DST: variants seen among roughly 807,000 people sequenced by gnomAD.
DST encodes the protein bullous pemphigoid antigen.
DST carries 253 observed loss-of-function variants against 875.2 expected under a neutral mutation model. The ratio of observed to expected loss-of-function variants is 0.29; its 90% CI spans 0.26 to 0.32. The LOEUF is 0.32. Ranked by LOEUF, DST falls within the 10% of genes least tolerant of loss-of-function variation. The probability of loss-of-function intolerance (pLI) is 1.00; values close to 1 mark genes in which losing one functional copy is unlikely to be tolerated. For synonymous variants in DST, 3,124 were observed against 3,197.1 expected, an observed-to-expected ratio of 0.98 and a Z score of 0.77; for missense variants, 8,287 against 9,111.6, an observed-to-expected ratio of 0.91 and a Z score of 3.68.
intron 49 of DST, among the ~76,000 whole-genome samples, chr6:56,583,447 GT>G (rs1423946379): frequency 6.6e-6 from 1 of 152,004 alleles, no homozygotes; most frequent in Non-Finnish European, 1.5e-5. Context: ...GGGGTTGTTT[GT>G]TTTTTTCCCG....
chr6:56,925,601 T>G (rs959580426), intron 2 of DST, among the ~76,000 whole-genome samples: 1 of 151,990 alleles, frequency 6.6e-6, no homozygotes, highest in Non-Finnish European at 1.5e-5. Context: ...CAAAGAATTC[T>G]AAATTCCTCT....
At chr6:56,630,420 A>G (rs757161234) in intron 30 of DST, 37 bp from the exon 31 acceptor site, 1 of 1,590,630 alleles carries the variant, frequency 6.3e-7, no homozygotes, top group African/African-American at 1.3e-5. Context: ...ACCTATGGTT[A>G]AATGTTTATT....
At chr6:56,851,200 C>T in intron 4 of DST, 197 bp downstream of exon 4, 1 of 589,226 alleles carries the variant, frequency 1.7e-6, no homozygotes. Flanking sequence ...GGCCAAACAG[C>T]TTAGTCACCA....
chr6:56,771,061 T>C (rs922043210), intron 4 of DST, among the ~76,000 whole-genome samples: 6 of 151,030 alleles, frequency 4.0e-5, no homozygotes, highest in African/African-American at 1.5e-4. Flanking sequence ...AAGGTAGGAA[T>C]TTGAGAAAAG....
chr6:56,493,049 T>C lies in DST; in HGVS notation c.20435A>G (p.His6812Arg), dbSNP rs1381739032. 6.2e-7 allele frequency: 1 copy of C among 1,612,468 alleles called. No homozygotes were observed. Among genetic ancestry groups the C allele is most frequent in the African/African-American group, 1.3e-5 (1 of 74,896 alleles). ...GTTGATGAAGTCTTGGAGAGAATTG[T>C]GGAACTCCATTGCCAAGTTGAGAGC... ...EEALNLAMEF[H>R]NSLQDFINWL... Residue 6812 changes from histidine (H) to arginine (R), a missense_variant, in exon 84 of 104, where the codon CAC (histidine) becomes CGC (arginine). By Grantham distance (29) the His-to-Arg change is conservative. This residue lies in a region of DST where 1,292 missense variants were observed against 1,552.7 expected (regional missense o/e 0.83). Coordinates refer to ENST00000680361, the MANE Select transcript of DST (RefSeq NM_001374736.1).
intron 99 of DST, 121 bp downstream of exon 99, chr6:56,465,957 C>A: frequency 1.6e-6 from 1 of 635,312 alleles, no homozygotes; most frequent in Non-Finnish European, 2.7e-6. Flanking sequence ...GGCTGACAGA[C>A]CAATGTGAAA....
intron 4 of DST, among the ~76,000 whole-genome samples, chr6:56,833,281 C>CATT (rs2099789591): frequency 6.6e-6 from 1 of 152,162 alleles, no homozygotes; most frequent in Non-Finnish European, 1.5e-5. Context: ...TACGTGAAAG[C>CATT]ACTGTCTTAA....
intron 9 of DST, among the ~76,000 whole-genome samples, chr6:56,691,270 A>G (rs1411799285): frequency 2.0e-5 from 3 of 152,198 alleles, no homozygotes; most frequent in African/African-American, 7.2e-5. Flanking sequence ...ACAGAGCTAC[A>G]TAGATAATGA....
intron 9 of DST, among the ~76,000 whole-genome samples, chr6:56,674,113 T>C (rs896391111): frequency 1.3e-5 from 2 of 152,206 alleles, no homozygotes; most frequent in African/African-American, 2.4e-5. Flanking sequence ...CAATGACAGG[T>C]TAATGGTTTC....
chr6:56,594,103 G>T lies in DST; in HGVS notation c.12286C>A (p.Leu4096Ile). The change falls in exon 48 of 104, where the codon CTC (leucine) becomes ATC (isoleucine). Residue 4096 changes from leucine (L) to isoleucine (I), a missense_variant. Coordinates refer to ENST00000680361, the MANE Select transcript of DST (RefSeq NM_001374736.1). ...AGTTTCTCTTTTTCTTCAGGAGAGA[G>T]ATACTGACCCTGTTTCTCAAGCAAC... is the stretch of plus-strand genomic sequence containing the variant. Reference protein sequence around the residue: ...QVLLEKQGQYLSPEEKEKLQK... With the variant: ...QVLLEKQGQYISPEEKEKLQK... 6.2e-7 allele frequency: 1 copy of T among 1,607,984 alleles called. No individual in the cohort carries two copies. Among genetic ancestry groups the T allele is most frequent in the Non-Finnish European group, 8.5e-7 (1 of 1,178,216 alleles).
chr6:56,844,421 CTTA>C (rs1363748321), intron 4 of DST, among the ~76,000 whole-genome samples: 1 of 152,216 alleles, frequency 6.6e-6, no homozygotes, highest in African/African-American at 2.4e-5. Flanking sequence ...CTGCTCTCTC[CTTA>C]TTATTCATTC....
chr6:56,532,600 A>G, intron 63 of DST, 90 bp from the exon 64 acceptor site: 1 of 1,264,692 alleles, frequency 7.9e-7, no homozygotes, highest in Non-Finnish European at 1.1e-6. Flanking sequence ...GAAGTATGAC[A>G]AAAATGTATT....
rs112809029 is a variant in DST, at chr6:56,577,991, G to A, written c.13027+823C>T. On this transcript the variant is annotated intron_variant, in intron 50 of 103. Transcript: ENST00000680361. ...GTGTCAGCTTTTGCACCCGGCCTGA[G>A]AGATGTGCTTTGAGAAGTCTTCCCA... Among the ~76,000 whole-genome samples, 445 of 142,870 alleles carry A rather than the reference G, an allele frequency of 3.1e-3. 1 individual carries two copies. Among genetic ancestry groups the A allele is most frequent in the Non-Finnish European group, 4.3e-3 (291 of 67,908 alleles). The allele number at this position is 142,870 out of a possible 152,430, so 93.7% of individuals were successfully genotyped here. A position where few individuals can be genotyped will look rare whatever the true frequency, so the allele number is the denominator to read the frequency against.
At chr6:56,938,480 T>A (rs866598201) in intron 2 of DST, among the ~76,000 whole-genome samples, 1 of 151,858 alleles carries the variant, frequency 6.6e-6, no homozygotes, top group South Asian at 2.1e-4. Context: ...GTAATTTCCA[T>A]ACATATGAAA....
intron 17 of DST, among the ~76,000 whole-genome samples, 196 bp from the exon 18 acceptor site, chr6:56,640,801 T>C (rs1393153427): frequency 6.6e-6 from 1 of 152,204 alleles, no homozygotes; most frequent in Non-Finnish European, 1.5e-5. Flanking sequence ...ATGGGAACTC[T>C]GTATTTTTCA....
intron 3 of DST, among the ~76,000 whole-genome samples, chr6:56,892,694 T>C (rs1258137243): frequency 6.6e-6 from 1 of 152,172 alleles, no homozygotes; most frequent in Non-Finnish European, 1.5e-5. Flanking sequence ...AACCAACCTA[T>C]TTAGGGGTGG....
chr6:56,622,705 A>C (rs2098702100), intron 36 of DST, among the ~76,000 whole-genome samples: 1 of 152,156 alleles, frequency 6.6e-6, no homozygotes, highest in Non-Finnish European at 1.5e-5. Context: ...TTGCATAAAA[A>C]TAACTTCCTT....
chr6:56,550,798 G>C (rs2097308820), intron 61 of DST, among the ~76,000 whole-genome samples: 1 of 152,102 alleles, frequency 6.6e-6, no homozygotes, highest in African/African-American at 2.4e-5. Flanking sequence ...AATCTTTAAG[G>C]TGCTGACAGG....
chr6:56,627,701 C>T (rs1424881331), intron 33 of DST, among the ~76,000 whole-genome samples: 1 of 151,964 alleles, frequency 6.6e-6, no homozygotes, highest in Admixed American at 6.6e-5. Flanking sequence ...ACTATTGAGG[C>T]CAGCAAAGTG....
Sources: gnomAD v4.1 joint callset for allele counts (sites outside exome capture counted in the v4.1 genomes callset) on GRCh38, gnomAD v4.1.1 for gene constraint, gnomAD v4.1.1 regional missense constraint, MANE v1.5 for transcripts, NCBI Gene and HGNC (gene_info 2026-07-23, HGNC 2026-07-21) for gene names.